Variants in RUNX1 observed in about 807,000 individuals in gnomAD.
The protein encoded by RUNX1 is runt-related transcription factor 1.
In RUNX1, 19 loss-of-function variants were observed where a neutral mutation model predicts 42.8. The ratio of observed to expected loss-of-function variants is 0.44; its 90% confidence interval spans 0.31 to 0.65. The LOEUF (loss-of-function observed/expected upper bound fraction) is 0.65, where lower values mean the gene tolerates loss of function less well. Ranked by LOEUF, RUNX1 falls within the 30% of genes least tolerant of loss-of-function variation. The pLI is 0.07. For synonymous variants in RUNX1, 271 were observed against 289.4 expected (o/e 0.94, Z 0.64); for missense variants, 528 against 672.0 (o/e 0.79, Z 2.37).
At chr21:35,030,187 CA>C (rs2059263372) in intron 2 of RUNX1, among the ~76,000 whole-genome samples, 1 of 151,978 alleles carries the variant, frequency 6.6e-6, no homozygotes, top group African/African-American at 2.4e-5. Context: ...ACTAAAAATA[CA>C]AAAAATTAGC....
At position 34,792,212 on chromosome 21, in the gene RUNX1, C is replaced by G; in HGVS notation, c.1366G>C (p.Glu456Gln). 6.5e-7 allele frequency: 1 copy of G among 1,538,676 alleles called. No homozygotes were observed. Among genetic ancestry groups the G allele is most frequent in the Non-Finnish European group, 8.7e-7 (1 of 1,148,894 alleles). Residue 456 changes from glutamate to glutamine, a missense_variant, in exon 9 of 9, where the codon GAG becomes CAG. Glu to Gln is a conservative substitution (Grantham distance 29). Transcript: ENST00000675419. The surrounding 1 kb of genome is among the most constrained non-coding windows in gnomAD (Gnocchi z 6.9). ...LPNQSDVVEAEGSHSNSPTNM... is the reference protein window; with the variant it reads ...LPNQSDVVEAQGSHSNSPTNM... ...GTGGGGGAGTTGCTGTGGCTGCCCT[C>G]GGCCTCCACCACGTCGCTCTGGTTC...
intron 2 of RUNX1, among the ~76,000 whole-genome samples, chr21:35,011,326 A>G (rs2059125188): frequency 6.6e-6 from 1 of 152,142 alleles, no homozygotes; most frequent in Non-Finnish European, 1.5e-5. Context: ...GATCCAGGCA[A>G]CTTTCCTACC....
At chr21:34,929,274 A>T (rs2058422054) in intron 2 of RUNX1, among the ~76,000 whole-genome samples, 1 of 152,180 alleles carries the variant, frequency 6.6e-6, no homozygotes, top group African/African-American at 2.4e-5. Flanking sequence ...CTATAGCAAC[A>T]CTGTAGAATG....
chr21:34,906,658 T>TA (rs892203153), intron 2 of RUNX1, among the ~76,000 whole-genome samples: 2 of 152,236 alleles, frequency 1.3e-5, no homozygotes, highest in South Asian at 2.1e-4. Context: ...TGCATTTAAA[T>TA]AAAAAAAGGC....
intron 5 of RUNX1, among the ~76,000 whole-genome samples, chr21:34,865,390 C>T (rs1307477867): frequency 1.3e-5 from 2 of 151,708 alleles, no homozygotes; most frequent in African/African-American, 4.8e-5. Flanking sequence ...AAGTTCACTC[C>T]TGCCCCGCCA....
chr21:34,884,152 T>A (rs369910803), intron 4 of RUNX1, among the ~76,000 whole-genome samples: 1 of 152,040 alleles, frequency 6.6e-6, no homozygotes, highest in Non-Finnish European at 1.5e-5. Context: ...AAACTTAAGG[T>A]TTTCTTAGTA....
rs1440238481 is a variant in RUNX1 at position 34,859,337 on chromosome 21, T to A, written c.613+137A>T. 5.5e-6 allele frequency: 4 copies of A among 730,910 alleles called. No homozygotes were observed. The Admixed American group carries it at 8.5e-5, about 16-fold the overall frequency. 45.3% of individuals were successfully genotyped at this position (730,910 alleles called of 1,614,324 possible). On this transcript the variant is annotated intron_variant, in intron 6 of 8. Coordinates refer to ENST00000675419, the MANE Select transcript of RUNX1 (RefSeq NM_001754.5). ...TAGCGAGAGTATTGACAATGCAACTTTTTGGCTTTACGGGGGCCTGACATC... is the reference window on the plus strand; with the variant it reads ...TAGCGAGAGTATTGACAATGCAACTATTTGGCTTTACGGGGGCCTGACATC...
At chr21:35,025,055 C>A (rs117440389) in intron 2 of RUNX1, among the ~76,000 whole-genome samples, 1 of 152,252 alleles carries the variant, frequency 6.6e-6, no homozygotes, top group South Asian at 2.1e-4. Context: ...AAAGCAGATC[C>A]GAAGATGTTT....
In RUNX1 at chr21:34,788,390, CA is replaced by C; in HGVS notation, c.*3744del. Reference sequence around the variant, plus strand: ...TTTTGCACATTCATTTCCCCTAGAACAAAAAAAGTGAACTTAAAAAAAATTG... The same window carrying C: ...TTTTGCACATTCATTTCCCCTAGAACAAAAAAGTGAACTTAAAAAAAATTG... On this transcript the variant is annotated 3_prime_UTR_variant, in exon 9 of 9. Coordinates refer to ENST00000675419, the MANE Select transcript of RUNX1 (RefSeq NM_001754.5). 4.3e-6 allele frequency: 1 copy of C among 232,648 alleles called. No homozygotes were observed. The highest frequency in any genetic ancestry group is 8.5e-6 in the Non-Finnish European group (1 of 117,724). 14.4% of individuals were successfully genotyped at this position (232,648 alleles called of 1,614,324 possible).
At chr21:34,854,155 C>T (rs1001093775) in intron 6 of RUNX1, among the ~76,000 whole-genome samples, 1 of 152,160 alleles carries the variant, frequency 6.6e-6, no homozygotes, top group Non-Finnish European at 1.5e-5. Flanking sequence ...ACTTGAAGCA[C>T]ATTCTCCATA....
Position 34,792,655 on chromosome 21 carries a change from G to T in RUNX1, c.968-45C>A. The T allele has an allele frequency of 6.6e-7, 1 of 1,513,170 alleles. No individual in the cohort carries two copies. Among genetic ancestry groups the T allele is most frequent in the Non-Finnish European group, 8.9e-7 (1 of 1,122,600 alleles). 93.7% of individuals were successfully genotyped at this position (1,513,170 alleles called of 1,614,324 possible). Reference sequence around the variant, plus strand: ...ACGGAGCGGAAGTGAGTAGGAGGTTGCGGAGGCCACAGCTCTTCCCTCTGC... The same window carrying T: ...ACGGAGCGGAAGTGAGTAGGAGGTTTCGGAGGCCACAGCTCTTCCCTCTGC... On this transcript the variant is annotated intron_variant, in intron 8 of 8. Coordinates refer to ENST00000675419, the MANE Select transcript of RUNX1 (RefSeq NM_001754.5). The surrounding 1 kb of genome is among the most constrained non-coding windows in gnomAD (Gnocchi z 6.9).
chr21:34,981,595 A>G (rs1214890917), intron 2 of RUNX1, among the ~76,000 whole-genome samples: 1 of 152,200 alleles, frequency 6.6e-6, no homozygotes, highest in Non-Finnish European at 1.5e-5. Context: ...TGGATTTAGT[A>G]ATGACTAGAT....
chr21:34,854,460 C>T lies in RUNX1; in HGVS notation c.613+5014G>A, dbSNP rs2057468051. On this transcript the variant is annotated intron_variant, in intron 6 of 8. Transcript: ENST00000675419. Reference sequence around the variant, plus strand: ...ATTAGCCGGGCATGGTGGTGGATGCCTATAATCCCAACTACTCAGGAGGCT... The same window carrying T: ...ATTAGCCGGGCATGGTGGTGGATGCTTATAATCCCAACTACTCAGGAGGCT... Among the ~76,000 whole-genome samples, 3 of 151,930 alleles carry T rather than the reference C, an allele frequency of 2.0e-5. 1 individual carries two copies. Among genetic ancestry groups the T allele is most frequent in the African/African-American group, 7.3e-5 (3 of 41,346 alleles).
At chr21:35,026,605 A>G (rs185777672) in intron 2 of RUNX1, among the ~76,000 whole-genome samples, 1 of 152,374 alleles carries the variant, frequency 6.6e-6, no homozygotes, top group Admixed American at 6.5e-5. Flanking sequence ...AGCTTCTCTT[A>G]AACGGTGTCA....
At chr21:34,871,561 G>A (rs8130337) in intron 5 of RUNX1, among the ~76,000 whole-genome samples, 2,694 of 152,248 alleles carry the variant, frequency 0.018, 67 homozygotes, top group African/African-American at 0.062. Context: ...GTCTCCCTAC[G>A]GATTTTTGTT....
Position 34,852,737 on chromosome 21 carries a change from T to C in RUNX1, c.613+6737A>G, listed in dbSNP as rs1237593896. Among the ~76,000 whole-genome samples, 6 of 152,196 alleles carry C rather than the reference T, an allele frequency of 3.9e-5. No homozygotes were observed. The East Asian group carries it at 5.8e-4, about 15-fold the overall frequency. On this transcript the variant is annotated intron_variant, in intron 6 of 8. Coordinates refer to ENST00000675419, the MANE Select transcript of RUNX1 (RefSeq NM_001754.5). ...AGGTGGGAGGGGAGGAAGAATTACTTTCTAATTCCTGTGTGGATCAGGATT... is the reference window on the plus strand; with the variant it reads ...AGGTGGGAGGGGAGGAAGAATTACTCTCTAATTCCTGTGTGGATCAGGATT...
chr21:34,850,689 C>T (rs971388350), intron 6 of RUNX1, among the ~76,000 whole-genome samples: 2 of 151,972 alleles, frequency 1.3e-5, no homozygotes, highest in African/African-American at 4.8e-5. Flanking sequence ...GGAACAGTGC[C>T]CAGAGTGTTT....
chr21:34,943,533 CA>C (rs1378926714), intron 2 of RUNX1, among the ~76,000 whole-genome samples: 1 of 152,192 alleles, frequency 6.6e-6, no homozygotes, highest in East Asian at 1.9e-4. Flanking sequence ...CATCTTACTT[CA>C]TACAAAAGAC....
At chr21:35,038,935 T>A (rs994794382) in intron 2 of RUNX1, 12 of 346,114 alleles carry the variant, frequency 3.5e-5, no homozygotes, top group Admixed American at 3.1e-4. Flanking sequence ...ATTGTAACAT[T>A]GCCTAAGGAG....
Sources: gnomAD v4.1 joint callset for allele counts (sites outside exome capture counted in the v4.1 genomes callset) on GRCh38, gnomAD v4.1.1 for gene constraint, Gnocchi (gnomAD v3.1) non-coding constraint, MANE v1.5 for transcripts, NCBI Gene and HGNC (gene_info 2026-07-23, HGNC 2026-07-21) for gene names.